LYPLAL1: variants seen among roughly 807,000 people sequenced by gnomAD.
LYPLAL1 encodes the protein lysophospholipase-like protein 1.
LYPLAL1 carries 23 observed loss-of-function variants against 19.7 expected under a neutral mutation model. The ratio of observed to expected loss-of-function variants is 1.17; its 90% confidence interval spans 0.84 to 1.65. The LOEUF is 1.65. Ranked by LOEUF, LYPLAL1 falls within the 40% of genes most tolerant of loss-of-function variation. LYPLAL1 has a pLI of 0.00. For missense variants in LYPLAL1, 355 were observed against 279.4 expected (o/e 1.27, Z -1.93); for synonymous variants, 119 against 96.3 (o/e 1.24, Z -1.38).
chr1:219,291,628 G>A, the LYPLAL1 span, among the ~76,000 whole-genome samples: 47 of 152,156 alleles, frequency 3.1e-4, no homozygotes, highest in African/African-American at 1.0e-3. Context: ...ATATGTCCCC[G>A]ATTTATTTTA....
the LYPLAL1 span, among the ~76,000 whole-genome samples, chr1:219,234,237 A>G: frequency 6.6e-6 from 1 of 152,204 alleles, no homozygotes; most frequent in East Asian, 1.9e-4. Flanking sequence ...TATTACCATA[A>G]TTATTGCTTA....
chr1:219,382,078 G>T, the LYPLAL1 span, among the ~76,000 whole-genome samples: 1 of 152,212 alleles, frequency 6.6e-6, no homozygotes, highest in East Asian at 1.9e-4. Context: ...GGTGCCTATT[G>T]TCCAGGGTGT....
chr1:219,205,958 A>G (rs1395717366), intron 3 of LYPLAL1, among the ~76,000 whole-genome samples: 1 of 152,196 alleles, frequency 6.6e-6, no homozygotes, highest in East Asian at 1.9e-4. Flanking sequence ...AAATAAATGT[A>G]ATAGTCATAA....
the LYPLAL1 span, among the ~76,000 whole-genome samples, chr1:219,350,300 T>C: frequency 6.6e-6 from 1 of 152,154 alleles, no homozygotes; most frequent in African/African-American, 2.4e-5. Context: ...TTTTTTTCAA[T>C]GTCAAAACTT....
At chr1:219,310,062 T>A in the LYPLAL1 span, among the ~76,000 whole-genome samples, 1 of 152,164 alleles carries the variant, frequency 6.6e-6, no homozygotes, top group East Asian at 1.9e-4. Context: ...AATAATATTA[T>A]TAGGGGTTGG....
At chr1:219,372,009 C>T in the LYPLAL1 span, among the ~76,000 whole-genome samples, 1 of 152,176 alleles carries the variant, frequency 6.6e-6, no homozygotes, top group Non-Finnish European at 1.5e-5. Flanking sequence ...ATCCCTGTTC[C>T]TTGAACACCC....
At chr1:219,365,641 A>G in the LYPLAL1 span, among the ~76,000 whole-genome samples, 2 of 152,068 alleles carry the variant, frequency 1.3e-5, no homozygotes, top group African/African-American at 4.8e-5. Context: ...CCCCCTCTTC[A>G]CTTTTCTTGA....
chr1:219,345,330 GTAATT>G, the LYPLAL1 span, among the ~76,000 whole-genome samples: 10 of 152,282 alleles, frequency 6.6e-5, no homozygotes, highest in South Asian at 2.1e-3. Context: ...AATGGAATGT[GTAATT>G]TAATGGATAA....
chr1:219,419,580 C>G, the LYPLAL1 span, among the ~76,000 whole-genome samples: 3 of 120,226 alleles, frequency 2.5e-5, no homozygotes, highest in African/African-American at 9.9e-5. Context: ...CACACACACA[C>G]ACACACACAC....
the LYPLAL1 span, chr1:219,410,051 T>G: frequency 3.9e-5 from 6 of 152,380 alleles, no homozygotes; most frequent in South Asian, 2.1e-4. Flanking sequence ...GTCCTATGTA[T>G]TGCTTATTTT....
intron 2 of LYPLAL1, among the ~76,000 whole-genome samples, chr1:219,185,181 A>G (rs1200620576): frequency 6.6e-6 from 1 of 151,796 alleles, no homozygotes; most frequent in Non-Finnish European, 1.5e-5. Flanking sequence ...TGTCAAATTT[A>G]TTGACAAAAA....
intron 3 of LYPLAL1, among the ~76,000 whole-genome samples, chr1:219,195,814 C>A (rs1657554469): frequency 6.6e-6 from 1 of 152,052 alleles, no homozygotes; most frequent in Admixed American, 6.6e-5. Flanking sequence ...GACCTGTATT[C>A]ATTAGCTGTT....
chr1:219,424,859 G>GT, the LYPLAL1 span, among the ~76,000 whole-genome samples: 1 of 152,152 alleles, frequency 6.6e-6, no homozygotes, highest in Non-Finnish European at 1.5e-5. Context: ...CTCTATCCCT[G>GT]TTTTTTCTTA....
chr1:219,425,989 A>G, the LYPLAL1 span, among the ~76,000 whole-genome samples: 2 of 152,238 alleles, frequency 1.3e-5, no homozygotes, highest in Admixed American at 1.3e-4. Context: ...TAAAGAACCA[A>G]CTAAAAATTG....
the LYPLAL1 span, among the ~76,000 whole-genome samples, chr1:219,408,075 T>C: frequency 6.6e-6 from 1 of 152,162 alleles, no homozygotes; most frequent in Admixed American, 6.5e-5. Flanking sequence ...ATTCACTCTA[T>C]AACAACATGT....
At chr1:219,303,987 T>C in the LYPLAL1 span, among the ~76,000 whole-genome samples, 20 of 152,240 alleles carry the variant, frequency 1.3e-4, no homozygotes, top group Non-Finnish European at 1.9e-4. Context: ...TAGTTCTAAA[T>C]AGTTTTTAGT....
the LYPLAL1 span, among the ~76,000 whole-genome samples, chr1:219,430,230 G>C: frequency 6.7e-6 from 1 of 148,498 alleles, no homozygotes; most frequent in Admixed American, 6.7e-5. Flanking sequence ...AGGATGTCAA[G>C]GCTACAGAGA....
the LYPLAL1 span, among the ~76,000 whole-genome samples, chr1:219,299,306 C>T: frequency 6.6e-6 from 1 of 152,058 alleles, no homozygotes; most frequent in African/African-American, 2.4e-5. Flanking sequence ...CCAGGGCGAG[C>T]AAACACTGTT....
the LYPLAL1 span, among the ~76,000 whole-genome samples, chr1:219,413,073 G>A: frequency 0.26 from 39,819 of 151,872 alleles, 5,799 homozygotes; most frequent in East Asian, 0.53. Context: ...ACTACTTAGA[G>A]ATACTAGGCA....
Sources: gnomAD v4.1 joint callset for allele counts (sites outside exome capture counted in the v4.1 genomes callset) on GRCh38, gnomAD v4.1.1 for gene constraint, MANE v1.5 for transcripts, NCBI Gene and HGNC (gene_info 2026-07-23, HGNC 2026-07-21) for gene names.